WDR73: variants seen among roughly 807,000 people sequenced by gnomAD.
The protein encoded by WDR73 is integrator complex assembly factor WDR73.
WDR73 carries 30 observed loss-of-function variants against 38.2 expected under a neutral mutation model. The ratio of observed to expected loss-of-function variants is 0.79; its 90% confidence interval spans 0.59 to 1.06. The LOEUF (loss-of-function observed/expected upper bound fraction) is 1.06, where lower values mean the gene tolerates loss of function less well. Ranked by LOEUF, WDR73 falls within the 50% of genes least tolerant of loss-of-function variation. The pLI is 0.00. For missense variants in WDR73, 487 were observed against 467.0 expected, an observed-to-expected ratio of 1.04 and a Z score of -0.40; for synonymous variants, 197 against 176.0, an observed-to-expected ratio of 1.12 and a Z score of -0.94.
rs998358858 is a variant in WDR73, at chr15:84,643,617, G to A, written c.990C>T (p.His330=). The A allele has an allele frequency of 7.8e-5, 125 of 1,612,632 alleles. No individual in the cohort carries two copies. Among genetic ancestry groups the A allele is most frequent in the Non-Finnish European group, 9.8e-5 (116 of 1,179,424 alleles). ...CCATCCCATTTCCATCTAGGAAGAT[G>A]TGACCTCTGTGAGTGAAGAGAGGTT... ...QVEPLFTHRG[H]IFLDGNGMDP... is the part of the protein sequence containing the mutation. Residue 330 remains histidine (H), a synonymous_variant, in exon 8 of 8, where the codon CAC becomes CAT. Coordinates refer to ENST00000434634, the MANE Select transcript of WDR73 (RefSeq NM_032856.5).
chr15:84,646,116 A>G (rs769573231), intron 6 of WDR73, 68 bp downstream of exon 6: 1 of 1,605,740 alleles, frequency 6.2e-7, no homozygotes, highest in African/African-American at 1.3e-5. Flanking sequence ...CAGTTTTTAT[A>G]GTGGCTGAGT....
chr15:84,650,993 T>A (rs1316636837), intron 3 of WDR73, among the ~76,000 whole-genome samples: 2 of 151,916 alleles, frequency 1.3e-5, no homozygotes, highest in Admixed American at 1.3e-4. Context: ...CACATGCCTG[T>A]GGTCCCAACT....
At chr15:84,643,834 C>T (rs189948022) in intron 7 of WDR73, 111 bp from the exon 8 acceptor site, 1 of 1,283,996 alleles carries the variant, frequency 7.8e-7, no homozygotes, top group Non-Finnish European at 1.0e-6. Context: ...CCAGGATGGT[C>T]TTGAACTCCT....
intron 2 of WDR73, 52 bp from the exon 3 acceptor site, chr15:84,652,854 C>T (rs1896666867): frequency 9.2e-7 from 1 of 1,081,312 alleles, no homozygotes; most frequent in Non-Finnish European, 1.3e-6. Flanking sequence ...AGATTGCAGA[C>T]CATGCAATCC....
chr15:84,642,154 A>T lies in WDR73; in HGVS notation c.*1316T>A, dbSNP rs1896277279. On this transcript the variant is annotated 3_prime_UTR_variant, in exon 8 of 8. Coordinates refer to ENST00000434634, the MANE Select transcript of WDR73 (RefSeq NM_032856.5). ...CAAGAGATCAAGACCATTCTGGCCA[A>T]CATGGTGAAACTCCGTCTGTACCAA... The T allele has an allele frequency of 6.6e-6, 1 of 152,150 alleles. No homozygotes were observed. Among genetic ancestry groups the T allele is most frequent in the Non-Finnish European group, 1.5e-5 (1 of 68,044 alleles). The allele number at this position is 152,150 out of a possible 1,614,324, so 9.4% of individuals were successfully genotyped here.
intron 3 of WDR73, among the ~76,000 whole-genome samples, chr15:84,648,897 A>G (rs777844220): frequency 2.6e-5 from 4 of 152,214 alleles, no homozygotes; most frequent in Non-Finnish European, 5.9e-5. Context: ...GCCTTCCTAG[A>G]GAAGCCAGAG....
At chr15:84,652,626 G>T in intron 3 of WDR73, 88 bp downstream of exon 3, 1 of 798,494 alleles carries the variant, frequency 1.3e-6, no homozygotes, top group Middle Eastern at 3.8e-4. Context: ...CTAGTATCCA[G>T]GACAATACCT....
At position 84,640,765 on chromosome 15, in the gene WDR73, A is replaced by G. The variant is rs943168647; in HGVS notation, c.*2705T>C. The G allele has an allele frequency of 6.6e-6, 1 of 152,132 alleles. No individual in the cohort carries two copies. The highest frequency in any genetic ancestry group is 1.5e-5 in the Non-Finnish European group (1 of 68,014). 9.4% of individuals were successfully genotyped at this position (152,132 alleles called of 1,614,324 possible). On this transcript the variant is annotated 3_prime_UTR_variant, in exon 8 of 8. Transcript: ENST00000434634. Reference sequence around the variant, plus strand: ...TTCCATAGATGTGAACCCTGCGTAGATTATACACACCAGTCTGCCATTTAA... The same window carrying G: ...TTCCATAGATGTGAACCCTGCGTAGGTTATACACACCAGTCTGCCATTTAA...
chr15:84,652,579 T>C, intron 3 of WDR73, 135 bp downstream of exon 3: 2 of 523,718 alleles, frequency 3.8e-6, no homozygotes, highest in South Asian at 6.4e-5. Context: ...CCTCCCTCTG[T>C]TAGACTAGAA....
At chr15:84,652,017 G>A (rs1195305344) in intron 3 of WDR73, among the ~76,000 whole-genome samples, 7 of 152,062 alleles carry the variant, frequency 4.6e-5, no homozygotes, top group South Asian at 2.1e-4. Context: ...ACAGGTGTGC[G>A]CCACCATGCC....
Position 84,645,709 on chromosome 15 carries a change from G to A in WDR73, c.645C>T (p.Arg215=), listed in dbSNP as rs1177271054. Residue 215 remains arginine, a synonymous_variant, in exon 7 of 8, where the codon CGC becomes CGT. Transcript: ENST00000434634. ...CTCCACCAGACCCAGGGCCAGGGCTGCGATTCTCCAACGGTGCCCACTTCT... is the reference window on the plus strand; with the variant it reads ...CTCCACCAGACCCAGGGCCAGGGCTACGATTCTCCAACGGTGCCCACTTCT... The part of the protein sequence containing the change: ...TRQKWAPLEN[R]SPGPGSGGER... 1 of 1,609,786 alleles carries A rather than the reference G, an allele frequency of 6.2e-7. No individual in the cohort carries two copies. The highest frequency in any genetic ancestry group is 8.5e-7 in the Non-Finnish European group (1 of 1,178,158).
chr15:84,647,734 T>A (rs1172941161), intron 5 of WDR73, 156 bp downstream of exon 5: 3 of 686,906 alleles, frequency 4.4e-6, no homozygotes, highest in Non-Finnish European at 7.8e-6. Flanking sequence ...TGAATTCAAG[T>A]GATCCACCCA....
chr15:84,649,168 T>C (rs1896548695), intron 3 of WDR73, among the ~76,000 whole-genome samples: 1 of 152,222 alleles, frequency 6.6e-6, no homozygotes, highest in Admixed American at 6.5e-5. Context: ...TATAAGGTCA[T>C]ACAAGTATTA....
intron 7 of WDR73, 86 bp downstream of exon 7, chr15:84,645,385 T>A (rs1372088028): frequency 3.8e-6 from 6 of 1,573,354 alleles, no homozygotes; most frequent in Non-Finnish European, 5.2e-6. Context: ...AGGTTTATCA[T>A]GGTGCTGGAG....
chr15:84,653,007 C>T (rs1896671960), intron 2 of WDR73: 1 of 439,842 alleles, frequency 2.3e-6, no homozygotes, highest in Non-Finnish European at 4.1e-6. Context: ...CAGCCTCAAC[C>T]TGCCAGGCTC....
intron 7 of WDR73, chr15:84,644,639 C>G (rs1045014476): frequency 7.2e-6 from 1 of 139,542 alleles, no homozygotes; most frequent in African/African-American, 2.7e-5. Context: ...AGTGCAGTGG[C>G]GTCATCTCAG....
In WDR73 at chr15:84,652,784, T is replaced by C; in HGVS notation, c.128A>G (p.Tyr43Cys). 1 of 1,536,038 alleles carries C rather than the reference T, an allele frequency of 6.5e-7. No individual in the cohort carries two copies. Among genetic ancestry groups the C allele is most frequent in the Non-Finnish European group, 8.8e-7 (1 of 1,140,002 alleles). ...IDDKGVFVAG[Y>C]ESLKKNEILH... ...AATTTCATTCTTTTTCAGGCTTTCA[T>C]AGCCAGCAACAAAGACTCCTGGAAA... is the stretch of plus-strand genomic sequence containing the variant. Residue 43 changes from tyrosine to cysteine, a missense_variant, in exon 3 of 8, where the codon TAT becomes TGT. By Grantham distance (194) the Tyr-to-Cys change is radical. Coordinates refer to ENST00000434634, the MANE Select transcript of WDR73 (RefSeq NM_032856.5).
At chr15:84,650,424 G>C (rs1331445743) in intron 3 of WDR73, among the ~76,000 whole-genome samples, 1 of 152,010 alleles carries the variant, frequency 6.6e-6, no homozygotes, top group Non-Finnish European at 1.5e-5. Flanking sequence ...GCAGTGGCTT[G>C]ATGTTGGCTC....
intron 4 of WDR73, 43 bp downstream of exon 4, chr15:84,648,494 A>G (rs1896531274): frequency 2.1e-6 from 3 of 1,424,272 alleles, no homozygotes; most frequent in African/African-American, 1.4e-5. Context: ...CAGCCATCCC[A>G]TCCCATCCTG....
Sources: allele counts gnomAD v4.1 joint callset (sites outside exome capture counted in the v4.1 genomes callset), GRCh38; gene constraint gnomAD v4.1.1; transcripts MANE v1.5; gene names NCBI Gene and HGNC (gene_info 2026-07-23, HGNC 2026-07-21).